Variants in GPR39 observed in about 807,000 individuals in gnomAD.
GPR39 encodes zinc sensing receptor.
GPR39 carries 23 observed loss-of-function variants against 18.4 expected under a neutral mutation model. The observed-to-expected ratio is 1.25, with a 90% CI of 0.90 to 1.77. GPR39 has a LOEUF of 1.77. Among genes scored for constraint, GPR39 ranks in the 40% most tolerant of loss-of-function variants. GPR39 has a pLI of 0.00. For synonymous variants in GPR39, 280 were observed against 257.9 expected (o/e 1.09, Z -0.82); for missense variants, 647 against 602.4 (o/e 1.07, Z -0.78).
intron 1 of GPR39, among the ~76,000 whole-genome samples, chr2:132,518,976 C>A (rs983535098): frequency 6.6e-6 from 1 of 152,170 alleles, no homozygotes; most frequent in African/African-American, 2.4e-5. Flanking sequence ...GATTGAATTT[C>A]TTCATTCATA....
chr2:132,632,680 A>G (rs1351666439), intron 1 of GPR39, among the ~76,000 whole-genome samples: 1 of 152,168 alleles, frequency 6.6e-6, no homozygotes, highest in Non-Finnish European at 1.5e-5. Flanking sequence ...TTGTATAAGC[A>G]TTGAAATTCA....
At chr2:132,570,943 A>G (rs564012111) in intron 1 of GPR39, among the ~76,000 whole-genome samples, 8 of 152,300 alleles carry the variant, frequency 5.3e-5, no homozygotes, top group East Asian at 3.9e-4. Flanking sequence ...CCAGGGTCCA[A>G]TAATAACCAT....
intron 1 of GPR39, among the ~76,000 whole-genome samples, chr2:132,495,746 A>G (rs1170876243): frequency 6.6e-6 from 1 of 152,116 alleles, no homozygotes; most frequent in Non-Finnish European, 1.5e-5. Flanking sequence ...GTATCTGGCT[A>G]GAGAAAGTAT....
chr2:132,423,629 A>G (rs1258336672), intron 1 of GPR39, among the ~76,000 whole-genome samples: 1 of 151,842 alleles, frequency 6.6e-6, no homozygotes, highest in East Asian at 1.9e-4. Context: ...CCCCACTTCC[A>G]TCCCCTTCCC....
At chr2:132,546,656 G>A (rs192809658) in intron 1 of GPR39, among the ~76,000 whole-genome samples, 29 of 151,620 alleles carry the variant, frequency 1.9e-4, no homozygotes, top group Admixed American at 5.9e-4. Context: ...TTCTGATTAT[G>A]CCACATTCTA....
intron 1 of GPR39, among the ~76,000 whole-genome samples, chr2:132,637,799 T>G (rs181149066): frequency 1.2e-4 from 19 of 152,314 alleles, no homozygotes; most frequent in Non-Finnish European, 2.5e-4. Context: ...CTCTCTGCCT[T>G]CCGTTGACAA....
At chr2:132,513,048 T>A (rs1679268205) in intron 1 of GPR39, among the ~76,000 whole-genome samples, 1 of 152,168 alleles carries the variant, frequency 6.6e-6, no homozygotes, top group Non-Finnish European at 1.5e-5. Flanking sequence ...CCTGGGGATT[T>A]AGCTGGGCTC....
At chr2:132,506,717 C>T (rs983381256) in intron 1 of GPR39, among the ~76,000 whole-genome samples, 3 of 152,126 alleles carry the variant, frequency 2.0e-5, no homozygotes, top group African/African-American at 7.2e-5. Context: ...GAGGTAACCA[C>T]TCCCATTATC....
intron 1 of GPR39, among the ~76,000 whole-genome samples, chr2:132,458,706 C>T (rs1204228407): frequency 6.6e-6 from 1 of 152,034 alleles, no homozygotes; most frequent in African/African-American, 2.4e-5. Flanking sequence ...ATTTTCCCCC[C>T]AGGCCATTTG....
chr2:132,611,703 A>G (rs556081799), intron 1 of GPR39, among the ~76,000 whole-genome samples: 20 of 152,088 alleles, frequency 1.3e-4, no homozygotes, highest in African/African-American at 4.6e-4. Flanking sequence ...ATGCCACTCA[A>G]CAGTGAGAAC....
chr2:132,520,947 GA>G (rs1344966097), intron 1 of GPR39, among the ~76,000 whole-genome samples: 1 of 152,180 alleles, frequency 6.6e-6, no homozygotes, highest in East Asian at 1.9e-4. Flanking sequence ...GTAAGTAGAA[GA>G]AAATTCAAAG....
At position 132,646,191 on chromosome 2, in the gene GPR39, T is replaced by G; in HGVS notation, c.*585T>G. ...TTGCAGCAGCTGATGCAAACTGAGT[T>G]CAGTTTCCCTGGGGAGCAGAAGGAC... On this transcript the variant is annotated 3_prime_UTR_variant, in exon 2 of 2. Transcript: ENST00000329321. 1 of 1,609,122 alleles carries G rather than the reference T, an allele frequency of 6.2e-7. No homozygotes were observed. Among genetic ancestry groups the G allele is most frequent in the South Asian group, 1.1e-5 (1 of 90,176 alleles).
At chr2:132,619,248 A>T (rs1681391713) in intron 1 of GPR39, among the ~76,000 whole-genome samples, 1 of 152,244 alleles carries the variant, frequency 6.6e-6, no homozygotes, top group African/African-American at 2.4e-5. Context: ...CATCCTTAGC[A>T]GAAAGCTATG....
intron 1 of GPR39, among the ~76,000 whole-genome samples, chr2:132,538,102 C>G (rs1424756185): frequency 6.6e-6 from 1 of 152,080 alleles, no homozygotes; most frequent in Non-Finnish European, 1.5e-5. Context: ...AGAAGTGTTG[C>G]AGTCATTCGG....
At chr2:132,500,348 T>A (rs1055424852) in intron 1 of GPR39, among the ~76,000 whole-genome samples, 7 of 152,216 alleles carry the variant, frequency 4.6e-5, no homozygotes, top group Non-Finnish European at 7.3e-5. Flanking sequence ...ACATGATATT[T>A]GTTTTTAATT....
intron 1 of GPR39, among the ~76,000 whole-genome samples, chr2:132,529,016 G>A (rs917137653): frequency 6.6e-6 from 1 of 152,096 alleles, no homozygotes; most frequent in Non-Finnish European, 1.5e-5. Context: ...GCCAGACAGT[G>A]GGTGCAGGAC....
At chr2:132,597,670 G>A (rs188738856) in intron 1 of GPR39, among the ~76,000 whole-genome samples, 27 of 152,306 alleles carry the variant, frequency 1.8e-4, no homozygotes, top group Middle Eastern at 3.4e-3. Flanking sequence ...TAGGCATTTG[G>A]CATGTAGTCT....
At chr2:132,421,694 A>G (rs554039945) in intron 1 of GPR39, among the ~76,000 whole-genome samples, 184 of 152,274 alleles carry the variant, frequency 1.2e-3, no homozygotes, top group African/African-American at 4.4e-3. Flanking sequence ...CTACTCTAAA[A>G]ATAAGGTTGA....
intron 1 of GPR39, among the ~76,000 whole-genome samples, chr2:132,539,588 A>G (rs1679826082): frequency 6.6e-6 from 1 of 152,094 alleles, no homozygotes; most frequent in South Asian, 2.1e-4. Context: ...TGAATAAAGT[A>G]CCTCCTATCC....
Sources: allele counts gnomAD v4.1 joint callset (sites outside exome capture counted in the v4.1 genomes callset), GRCh38; gene constraint gnomAD v4.1.1; transcripts MANE v1.5; gene names NCBI Gene and HGNC (gene_info 2026-07-23, HGNC 2026-07-21).